The following CDK5RAP1 variants were observed in gnomAD, a reference collection of about 807,000 sequenced individuals.
CDK5RAP1 encodes the protein CDK5RAP1 mitochondrial tRNA methylthiotransferase.
In CDK5RAP1, 62 loss-of-function variants were observed where a neutral mutation model predicts 64.5. The observed-to-expected ratio is 0.96, with a 90% CI of 0.78 to 1.19. The LOEUF is 1.19. CDK5RAP1 is among the 50% of genes most tolerant of loss of function. The pLI is 0.00. For synonymous variants in CDK5RAP1, 250 were observed against 261.9 expected, an observed-to-expected ratio of 0.95 and a Z score of 0.44; for missense variants, 657 against 735.0, an observed-to-expected ratio of 0.89 and a Z score of 1.23.
chr20:33,380,661 A>G (rs1324886240), intron 7 of CDK5RAP1, among the ~76,000 whole-genome samples: 1 of 152,182 alleles, frequency 6.6e-6, no homozygotes, highest in South Asian at 2.1e-4. Context: ...CAAAATGTTA[A>G]CAATCACGTT....
rs1299214360 is a variant in CDK5RAP1 at position 33,394,034 on chromosome 20, G to A, written c.441C>T (p.Ile147=). Residue 147 remains isoleucine, a splice_region_variant and synonymous_variant, in exon 4 of 14, where the codon ATC becomes ATT. Transcript: ENST00000346416. The stretch of plus-strand genomic sequence containing the variant: ...CTAGGAAAAGAACAAATTCGCACCT[G>A]ATAGAGCATGTGACAAGGAGAATCA... ...ADVILLVTCS[I]REKAEQTIWN... is the part of the protein sequence containing the mutation. 6.3e-7 allele frequency: 1 copy of A among 1,593,020 alleles called. No individual in the cohort carries two copies. Among genetic ancestry groups the A allele is most frequent in the Non-Finnish European group, 8.6e-7 (1 of 1,160,700 alleles).
chr20:33,397,500 A>T (rs1483582258), intron 1 of CDK5RAP1, among the ~76,000 whole-genome samples: 1 of 152,240 alleles, frequency 6.6e-6, no homozygotes, highest in African/African-American at 2.4e-5. Context: ...AAGCTCCTAC[A>T]GCCAGTAAGC....
intron 4 of CDK5RAP1, among the ~76,000 whole-genome samples, chr20:33,393,607 A>C (rs548905758): frequency 6.6e-6 from 1 of 152,258 alleles, no homozygotes; most frequent in African/African-American, 2.4e-5. Context: ...GTGAGAAAGG[A>C]GGTACGTTCA....
At chr20:33,394,945 TA>T in intron 3 of CDK5RAP1, 67 bp downstream of exon 3, 1 of 977,748 alleles carries the variant, frequency 1.0e-6, no homozygotes, top group Non-Finnish European at 1.7e-6. Context: ...AAACTACACC[TA>T]AGAACTGGCA....
intron 7 of CDK5RAP1, among the ~76,000 whole-genome samples, chr20:33,381,963 A>T (rs1005844324): frequency 1.3e-5 from 2 of 152,174 alleles, no homozygotes; most frequent in African/African-American, 4.8e-5. Flanking sequence ...TAAAGTCTGA[A>T]GAGAGTTAAT....
intron 7 of CDK5RAP1, among the ~76,000 whole-genome samples, chr20:33,381,664 A>C (rs776137036): frequency 1.3e-5 from 2 of 152,036 alleles, no homozygotes; most frequent in African/African-American, 2.4e-5. Flanking sequence ...CGGAGCTCAG[A>C]CAATCTGCAC....
chr20:33,396,096 C>T (rs1280674864), intron 2 of CDK5RAP1, among the ~76,000 whole-genome samples: 1 of 152,128 alleles, frequency 6.6e-6, no homozygotes, highest in Non-Finnish European at 1.5e-5. Context: ...CCACATGTTA[C>T]ACTCCTCCTC....
intron 10 of CDK5RAP1, among the ~76,000 whole-genome samples, chr20:33,372,317 A>G (rs1985188461): frequency 6.6e-6 from 1 of 152,110 alleles, no homozygotes; most frequent in African/African-American, 2.4e-5. Flanking sequence ...TCAAATCAGA[A>G]CTAATTTAGA....
chr20:33,383,764 C>A (rs291704), intron 7 of CDK5RAP1, among the ~76,000 whole-genome samples: 1 of 137,052 alleles, frequency 7.3e-6, no homozygotes, highest in Non-Finnish European at 1.5e-5. Flanking sequence ...AAAAAAAAAT[C>A]AGCCAGGTGT....
intron 12 of CDK5RAP1, 22 bp from the exon 13 acceptor site, chr20:33,360,513 G>C (rs1982718738): frequency 6.3e-7 from 1 of 1,596,082 alleles, no homozygotes; most frequent in African/African-American, 1.4e-5. Context: ...AGAGAGAAGA[G>C]TTCGTGGATT....
At chr20:33,383,169 G>A (rs1352265703) in intron 7 of CDK5RAP1, among the ~76,000 whole-genome samples, 3 of 151,708 alleles carry the variant, frequency 2.0e-5, no homozygotes, top group East Asian at 1.9e-4. Context: ...CAAAAAGAGC[G>A]AAACTCCATC....
intron 12 of CDK5RAP1, among the ~76,000 whole-genome samples, chr20:33,361,230 AG>A (rs764751660): frequency 1.1e-4 from 17 of 152,286 alleles, no homozygotes; most frequent in Admixed American, 7.2e-4. Flanking sequence ...GTGAAGCAGG[AG>A]GGGAGAGCTC....
At chr20:33,391,334 A>C (rs1988297967) in intron 5 of CDK5RAP1, among the ~76,000 whole-genome samples, 1 of 151,812 alleles carries the variant, frequency 6.6e-6, no homozygotes, top group South Asian at 2.1e-4. Context: ...GCCCCTAGTC[A>C]TGTGGTCATG....
At chr20:33,366,394 G>C (rs1983969073) in intron 12 of CDK5RAP1, among the ~76,000 whole-genome samples, 2 of 150,376 alleles carry the variant, frequency 1.3e-5, no homozygotes, top group Non-Finnish European at 3.0e-5. Flanking sequence ...GGCTGAGGTG[G>C]GTGGATAACT....
At chr20:33,386,418 G>A (rs899802935) in intron 6 of CDK5RAP1, among the ~76,000 whole-genome samples, 1 of 151,980 alleles carries the variant, frequency 6.6e-6, no homozygotes, top group East Asian at 1.9e-4. Flanking sequence ...TGTACCTACT[G>A]TTTTTATGAG....
rs1305842469 is a variant in CDK5RAP1, at chr20:33,385,785, AC to A, written c.756-16del. ...GCATGATTGACCTGGAGAAGAAAGT[AC>A]CAGAACTTAGTAACAGTAGCAGGGT... is the stretch of plus-strand genomic sequence containing the variant. On this transcript the variant is annotated splice_polypyrimidine_tract_variant and intron_variant, in intron 6 of 13. Transcript: ENST00000346416. 1 of 1,607,726 alleles carries A rather than the reference AC, an allele frequency of 6.2e-7. No homozygotes were observed. Among genetic ancestry groups the A allele is most frequent in the East Asian group, 2.2e-5 (1 of 44,834 alleles).
At chr20:33,370,186 A>G (rs6059286) in intron 11 of CDK5RAP1, among the ~76,000 whole-genome samples, 6,411 of 152,262 alleles carry the variant, frequency 0.042, 411 homozygotes, top group Admixed American at 0.15. Flanking sequence ...GGAGTTCTGC[A>G]TGTTAAGAAA....
chr20:33,392,176 G>A lies in CDK5RAP1; in HGVS notation c.510C>T (p.Pro170=), dbSNP rs1332643895. The part of the protein sequence containing the change: ...HQLKALKTRR[P]RSRVPLRIGI... ...CAATCCTCAGAGGAACCCGGGAGCG[G>A]GGCCGCCTTGTCTTCAAGGCTTTAA... The change falls in exon 5 of 14, where the codon CCC becomes CCT. Residue 170 remains proline (P), a synonymous_variant. Transcript: ENST00000346416. The A allele has an allele frequency of 6.2e-7, 1 of 1,613,698 alleles. No homozygotes were observed. Among genetic ancestry groups the A allele is most frequent in the Non-Finnish European group, 8.5e-7 (1 of 1,179,650 alleles).
chr20:33,379,267 T>C (rs1986434391), intron 8 of CDK5RAP1, among the ~76,000 whole-genome samples, 194 bp downstream of exon 8: 1 of 152,154 alleles, frequency 6.6e-6, no homozygotes. Flanking sequence ...TTGAGATTAT[T>C]GGTGTAAGCC....
Sources: gnomAD v4.1 joint callset for allele counts (sites outside exome capture counted in the v4.1 genomes callset) on GRCh38, gnomAD v4.1.1 for gene constraint, MANE v1.5 for transcripts, NCBI Gene and HGNC (gene_info 2026-07-23, HGNC 2026-07-21) for gene names.